DUSP22: variants seen among roughly 807,000 people sequenced by gnomAD.
DUSP22 encodes the protein dual specificity protein phosphatase 22.
DUSP22 carries 24 observed loss-of-function variants against 24.5 expected under a neutral mutation model. That is an observed-to-expected ratio of 0.98 (90% CI 0.71 to 1.38). DUSP22 has a LOEUF of 1.38. Among genes scored for constraint, DUSP22 ranks in the 40% most tolerant of loss-of-function variants. The probability of loss-of-function intolerance (pLI) is 0.00; values close to 1 mark genes in which losing one functional copy is unlikely to be tolerated. For synonymous variants in DUSP22, 160 were observed against 106.4 expected (o/e 1.50, Z -3.10); for missense variants, 330 against 269.2 (o/e 1.23, Z -1.58).
chr6:334,936 G>A (rs2127413217), intron 3 of DUSP22, among the ~76,000 whole-genome samples, 178 bp from the exon 4 acceptor site: 1 of 152,428 alleles, frequency 6.6e-6, no homozygotes, highest in South Asian at 2.1e-4. Flanking sequence ...CATGGTCACG[G>A]AAAATAACCA....
In DUSP22 at chr6:311,907, A is replaced by G. The variant is rs764211037; in HGVS notation, c.83A>G (p.Lys28Arg). ...GCCAGAGACGCGGAACAATTGAGCA[A>G]GAACAAGGTGACACATATTCTGTCT... is the stretch of plus-strand genomic sequence containing the variant. ...KDARDAEQLS[K>R]NKVTHILSVH... The change falls in exon 3 of 7, where the codon AAG (lysine) becomes AGG (arginine). Residue 28 changes from lysine (K) to arginine (R), a missense_variant. By Grantham distance (26) the Lys-to-Arg change is conservative. Coordinates refer to ENST00000419235, the MANE Select transcript of DUSP22 (RefSeq NM_001286555.3). The G allele has an allele frequency of 1.2e-6, 2 of 1,612,862 alleles. No homozygotes were observed. Among genetic ancestry groups the G allele is most frequent in the Non-Finnish European group, 1.7e-6 (2 of 1,179,266 alleles).
At chr6:339,688 G>T (rs1425554119) in intron 4 of DUSP22, among the ~76,000 whole-genome samples, 1 of 152,302 alleles carries the variant, frequency 6.6e-6, no homozygotes, top group Non-Finnish European at 1.5e-5. Context: ...TGAGGTTTTT[G>T]TGGGGAGAAG....
chr6:330,493 G>A (rs977963170), intron 3 of DUSP22, among the ~76,000 whole-genome samples: 3 of 152,414 alleles, frequency 2.0e-5, no homozygotes, highest in East Asian at 3.8e-4. Context: ...TGAAACAAGC[G>A]AGAGTTTGAT....
At chr6:299,049 G>A (rs1757466599) in intron 1 of DUSP22, among the ~76,000 whole-genome samples, 2 of 152,302 alleles carry the variant, frequency 1.3e-5, no homozygotes. Context: ...CCCCAGCAAA[G>A]GGAAAGAGCA....
At chr6:311,020 T>G (rs1243009720) in intron 2 of DUSP22, among the ~76,000 whole-genome samples, 1 of 152,304 alleles carries the variant, frequency 6.6e-6, no homozygotes, top group Non-Finnish European at 1.5e-5. Context: ...CAGGTTGCCT[T>G]GGGGAGTGCC....
chr6:345,875 TATTAA>T lies in DUSP22; in HGVS notation c.214_218del (p.Lys72HisfsTer9). 1.2e-6 allele frequency: 2 copies of T among 1,614,276 alleles called. No homozygotes were observed. The highest frequency in any genetic ancestry group is 1.7e-6 in the Non-Finnish European group (2 of 1,180,030). ...CCAGGACAAGACATTTCAAAGAAAG[TATTAA>T]ATTCATTCACGAGTGCCGGCTCCGC... is the stretch of plus-strand genomic sequence containing the variant. On this transcript the variant is annotated frameshift_variant, in exon 5 of 7. Transcript: ENST00000419235. LOFTEE classifies it high-confidence loss of function.
chr6:323,317 T>C (rs1440535105), intron 3 of DUSP22, among the ~76,000 whole-genome samples: 1 of 152,306 alleles, frequency 6.6e-6, no homozygotes, highest in African/African-American at 2.4e-5. Context: ...TTTCCCTCCT[T>C]TCAGTTATCA....
chr6:334,626 G>A (rs1003252881), intron 3 of DUSP22, among the ~76,000 whole-genome samples: 23 of 152,294 alleles, frequency 1.5e-4, no homozygotes, highest in Admixed American at 2.6e-4. Flanking sequence ...GTATTGGTGC[G>A]TCAGTGAAAT....
At chr6:344,406 C>A (rs9503333) in intron 4 of DUSP22, among the ~76,000 whole-genome samples, 16 of 152,218 alleles carry the variant, frequency 1.1e-4, no homozygotes, top group Admixed American at 3.9e-4. Context: ...CCACCTCGGC[C>A]TCCCAAGTAC....
intron 3 of DUSP22, among the ~76,000 whole-genome samples, chr6:324,506 G>A (rs934784669): frequency 1.3e-5 from 2 of 152,298 alleles, no homozygotes; most frequent in Non-Finnish European, 1.5e-5. Flanking sequence ...AGGAGAAACA[G>A]AAGAGCCGCT....
chr6:299,042 C>T (rs902732958), intron 1 of DUSP22, among the ~76,000 whole-genome samples: 2 of 152,302 alleles, frequency 1.3e-5, no homozygotes, highest in East Asian at 1.9e-4. Flanking sequence ...ACAGTGTCCC[C>T]AGCAAAGGGA....
At chr6:312,723 T>G (rs575864789) in intron 3 of DUSP22, among the ~76,000 whole-genome samples, 1 of 152,308 alleles carries the variant, frequency 6.6e-6, no homozygotes, top group African/African-American at 2.4e-5. Context: ...TCAGGCTGTT[T>G]TCATTTAAAT....
chr6:302,055 G>A lies in DUSP22; in HGVS notation c.22-2573G>A, dbSNP rs554728637. On this transcript the variant is annotated intron_variant, in intron 1 of 6. Coordinates refer to ENST00000419235, the MANE Select transcript of DUSP22 (RefSeq NM_001286555.3). Reference sequence around the variant, plus strand: ...TTTAAAAAAAGTGCAAATTGGCATAGTGCATGCACAGGACTGGAGTGTCAG... The same window carrying A: ...TTTAAAAAAAGTGCAAATTGGCATAATGCATGCACAGGACTGGAGTGTCAG... Among the ~76,000 whole-genome samples the A allele has an allele frequency of 1.0e-4, 16 of 152,414 alleles. No homozygotes were observed. In the East Asian group the frequency reaches 1.7e-3, roughly 17 times the overall value.
intron 3 of DUSP22, among the ~76,000 whole-genome samples, chr6:316,580 GAT>G (rs1324002215): frequency 2.6e-5 from 4 of 152,298 alleles, no homozygotes; most frequent in Non-Finnish European, 5.9e-5. Context: ...TCAGAAACCT[GAT>G]ATTGTTTGTA....
chr6:339,463 A>T (rs1047397813), intron 4 of DUSP22, among the ~76,000 whole-genome samples: 2 of 152,310 alleles, frequency 1.3e-5, no homozygotes, highest in Admixed American at 1.3e-4. Context: ...TTAGATGCAT[A>T]TTAACTTATA....
At chr6:317,185 G>A (rs1157581487) in intron 3 of DUSP22, among the ~76,000 whole-genome samples, 1 of 152,304 alleles carries the variant, frequency 6.6e-6, no homozygotes, top group African/African-American at 2.4e-5. Context: ...TTATTGATGA[G>A]GAAACTCACC....
At chr6:313,261 G>A (rs1482425411) in intron 3 of DUSP22, among the ~76,000 whole-genome samples, 1 of 152,294 alleles carries the variant, frequency 6.6e-6, no homozygotes, top group Non-Finnish European at 1.5e-5. Flanking sequence ...CTCAGCCCCA[G>A]GCCTGCCTCC....
At chr6:298,806 C>T (rs185585511) in intron 1 of DUSP22, among the ~76,000 whole-genome samples, 5 of 152,418 alleles carry the variant, frequency 3.3e-5, no homozygotes, top group African/African-American at 4.8e-5. Flanking sequence ...TTCCTCTTAG[C>T]GTGTTAGACT....
intron 3 of DUSP22, among the ~76,000 whole-genome samples, chr6:334,219 A>C (rs771752096): frequency 1.3e-5 from 2 of 152,304 alleles, no homozygotes; most frequent in Non-Finnish European, 2.9e-5. Context: ...ATTGTCTGTG[A>C]CACGGTGGCA....
Sources: allele counts gnomAD v4.1 joint callset (sites outside exome capture counted in the v4.1 genomes callset), GRCh38; gene constraint gnomAD v4.1.1; transcripts MANE v1.5; gene names NCBI Gene and HGNC (gene_info 2026-07-23, HGNC 2026-07-21).